Variants in ALK observed in about 807,000 individuals in gnomAD.
The protein encoded by ALK is ALK tyrosine kinase receptor.
ALK carries 74 observed loss-of-function variants against 163.1 expected under a neutral mutation model. The observed-to-expected ratio is 0.45, with a 90% CI of 0.38 to 0.55. The LOEUF is 0.55. Among genes scored for constraint, ALK ranks in the 20% least tolerant of loss-of-function variants. ALK has a pLI of 0.00. For missense variants in ALK, 2,063 were observed against 2,105.3 expected (o/e 0.98, Z 0.39); for synonymous variants, 960 against 843.2 (o/e 1.14, Z -2.40).
intron 1 of ALK, among the ~76,000 whole-genome samples, chr2:29,869,000 C>G (rs1666510918): frequency 6.6e-6 from 1 of 152,150 alleles, no homozygotes; most frequent in Non-Finnish European, 1.5e-5. Context: ...AGCTGAGGTC[C>G]CAGCTGATAG....
intron 1 of ALK, among the ~76,000 whole-genome samples, chr2:29,863,208 T>C (rs1464736557): frequency 2.0e-5 from 3 of 152,174 alleles, no homozygotes; most frequent in Non-Finnish European, 4.4e-5. Flanking sequence ...ATTTGGGCAA[T>C]GTTTTCTTGG....
intron 6 of ALK, among the ~76,000 whole-genome samples, chr2:29,326,399 G>A (rs1454339897): frequency 6.6e-6 from 1 of 152,194 alleles, no homozygotes; most frequent in Non-Finnish European, 1.5e-5. Flanking sequence ...TGGCCTGCCC[G>A]ACCTGTGTCC....
intron 5 of ALK, among the ~76,000 whole-genome samples, chr2:29,352,303 G>C (rs958249727): frequency 2.0e-5 from 3 of 152,264 alleles, no homozygotes; most frequent in Non-Finnish European, 4.4e-5. Flanking sequence ...AATGTATGTA[G>C]AGAGGACAGG....
intron 4 of ALK, among the ~76,000 whole-genome samples, chr2:29,455,560 C>T (rs1670931486): frequency 6.6e-6 from 1 of 152,136 alleles, no homozygotes; most frequent in African/African-American, 2.4e-5. Flanking sequence ...CTTTTTCTCT[C>T]TTTCACTGTC....
chr2:29,655,930 A>G (rs1005288941), intron 3 of ALK, among the ~76,000 whole-genome samples: 1 of 152,194 alleles, frequency 6.6e-6, no homozygotes, highest in Non-Finnish European at 1.5e-5. Context: ...TCATAGGAGA[A>G]GAGCTGCTGT....
intron 3 of ALK, among the ~76,000 whole-genome samples, chr2:29,686,759 G>A (rs946318805): frequency 1.3e-5 from 2 of 152,168 alleles, no homozygotes; most frequent in African/African-American, 4.8e-5. Flanking sequence ...CCCAGGAAAG[G>A]CCTGTCCTGA....
intron 3 of ALK, among the ~76,000 whole-genome samples, chr2:29,683,568 G>A (rs1678146272): frequency 6.6e-6 from 1 of 152,188 alleles, no homozygotes; most frequent in African/African-American, 2.4e-5. Flanking sequence ...GAGCTGGACA[G>A]TGAGATCTGA....
At chr2:29,826,538 G>C (rs1200630169) in intron 1 of ALK, among the ~76,000 whole-genome samples, 1 of 151,716 alleles carries the variant, frequency 6.6e-6, no homozygotes, top group Non-Finnish European at 1.5e-5. Context: ...CACATACTCA[G>C]TCAGTCTTAT....
chr2:29,915,924 T>C (rs1256164716), intron 1 of ALK, among the ~76,000 whole-genome samples: 1 of 152,226 alleles, frequency 6.6e-6, no homozygotes, highest in African/African-American at 2.4e-5. Context: ...TTTCAAAATA[T>C]TTGTCATTAA....
chr2:29,200,061 A>G (rs1669118724), intron 26 of ALK, among the ~76,000 whole-genome samples: 1 of 152,136 alleles, frequency 6.6e-6, no homozygotes, highest in South Asian at 2.1e-4. Flanking sequence ...ACTGGAATAC[A>G]TTATTAGATC....
At chr2:29,352,504 T>G (rs1371444607) in intron 5 of ALK, among the ~76,000 whole-genome samples, 1 of 152,160 alleles carries the variant, frequency 6.6e-6, no homozygotes, top group Non-Finnish European at 1.5e-5. Flanking sequence ...CTGTGGTGAG[T>G]ATGCTAAAGC....
In ALK at chr2:29,424,278, A is replaced by G. The variant is rs1450342014; in HGVS notation, c.1155-40419T>C. ...CTAACCTGACTTTCTTAACAATACA[A>G]TATCAAAGATGACCAACCTAAAAAT... On this transcript the variant is annotated intron_variant, in intron 4 of 28. Transcript: ENST00000389048. Among the ~76,000 whole-genome samples the G allele has an allele frequency of 2.0e-5, 3 of 152,194 alleles. No individual in the cohort carries two copies. The East Asian group carries it at 5.8e-4, about 29-fold the overall frequency.
At chr2:29,787,893 C>T (rs958917950) in intron 1 of ALK, among the ~76,000 whole-genome samples, 1 of 152,160 alleles carries the variant, frequency 6.6e-6, no homozygotes, top group African/African-American at 2.4e-5. Flanking sequence ...ACATGAATTC[C>T]ATTCAAGTGA....
intron 9 of ALK, among the ~76,000 whole-genome samples, chr2:29,295,005 A>T (rs1666135212): frequency 6.6e-6 from 1 of 152,142 alleles, no homozygotes; most frequent in Admixed American, 6.5e-5. Context: ...TACCTCTGGG[A>T]GGGCAGCTTC....
intron 4 of ALK, among the ~76,000 whole-genome samples, chr2:29,522,906 C>T (rs1345212413): frequency 6.6e-6 from 1 of 152,034 alleles, no homozygotes; most frequent in Non-Finnish European, 1.5e-5. Context: ...AAAGTGAAAG[C>T]GAGGGGAGAG....
chr2:29,533,095 T>A (rs1350256663), intron 3 of ALK, among the ~76,000 whole-genome samples: 1 of 152,228 alleles, frequency 6.6e-6, no homozygotes, highest in African/African-American at 2.4e-5. Flanking sequence ...GTTCCAGGAA[T>A]TGGAGGTTTC....
intron 1 of ALK, 146 bp downstream of exon 1, chr2:29,919,847 G>A (rs938480889): frequency 2.8e-5 from 28 of 1,016,974 alleles, no homozygotes; most frequent in South Asian, 3.4e-5. Flanking sequence ...GGTCTGATTC[G>A]GGAAGGAGGT....
intron 4 of ALK, among the ~76,000 whole-genome samples, chr2:29,525,600 G>T (rs766688674): frequency 6.6e-6 from 1 of 151,940 alleles, no homozygotes; most frequent in African/African-American, 2.4e-5. Flanking sequence ...GACCAGCCTG[G>T]CCAAGATGGT....
intron 9 of ALK, among the ~76,000 whole-genome samples, chr2:29,293,487 A>C (rs1327351053): frequency 1.3e-5 from 2 of 152,226 alleles, no homozygotes; most frequent in Non-Finnish European, 2.9e-5. Flanking sequence ...AGCCATGAGA[A>C]TATATTGTGG....
Sources: allele counts gnomAD v4.1 joint callset (sites outside exome capture counted in the v4.1 genomes callset), GRCh38; gene constraint gnomAD v4.1.1; transcripts MANE v1.5; gene names NCBI Gene and HGNC (gene_info 2026-07-23, HGNC 2026-07-21).